BMPR1A: variants seen among roughly 807,000 people sequenced by gnomAD.
BMPR1A encodes the protein bone morphogenetic protein receptor type 1A, also known as bone morphogenetic protein receptor type-1A.
In BMPR1A, 7 loss-of-function variants were observed where a neutral mutation model predicts 66.0. The ratio of observed to expected loss-of-function variants is 0.11; its 90% CI spans 0.06 to 0.20. BMPR1A has a LOEUF of 0.20. BMPR1A is among the 10% of genes least tolerant of loss of function. The pLI is 1.00. For missense variants in BMPR1A, 408 were observed against 669.1 expected (o/e 0.61, Z 4.31); for synonymous variants, 200 against 229.7 (o/e 0.87, Z 1.17).
chr10:86,791,856 G>A (rs969438810), intron 1 of BMPR1A, among the ~76,000 whole-genome samples: 1 of 150,024 alleles, frequency 6.7e-6, no homozygotes, highest in African/African-American at 2.5e-5. Flanking sequence ...CGAGTAGCTG[G>A]GACTACAGAT....
At chr10:86,884,932 A>G (rs921006669) in intron 3 of BMPR1A, among the ~76,000 whole-genome samples, 4 of 152,190 alleles carry the variant, frequency 2.6e-5, no homozygotes, top group Non-Finnish European at 5.9e-5. Flanking sequence ...AAATACATCT[A>G]ACTATAATTT....
At chr10:86,884,660 C>G (rs1477204813) in intron 3 of BMPR1A, among the ~76,000 whole-genome samples, 5 of 151,886 alleles carry the variant, frequency 3.3e-5, no homozygotes, top group African/African-American at 9.7e-5. Context: ...GGCAGTCCAC[C>G]CGCCTCGGCC....
intron 1 of BMPR1A, among the ~76,000 whole-genome samples, chr10:86,775,728 C>G (rs79769253): frequency 0.034 from 5,173 of 150,972 alleles, 282 homozygotes; most frequent in African/African-American, 0.11. Flanking sequence ...CTGCTTTCCT[C>G]CCTACTCTCT....
intron 7 of BMPR1A, among the ~76,000 whole-genome samples, chr10:86,901,016 A>G (rs1843300754): frequency 6.6e-6 from 1 of 152,250 alleles, no homozygotes; most frequent in African/African-American, 2.4e-5. Flanking sequence ...AGTCTACGTT[A>G]TAAACAGCTT....
chr10:86,785,582 G>A (rs768148481), intron 1 of BMPR1A, among the ~76,000 whole-genome samples: 4 of 152,300 alleles, frequency 2.6e-5, no homozygotes, highest in South Asian at 4.2e-4. Flanking sequence ...GATTATAGGC[G>A]TGAGCCACTG....
chr10:86,798,688 C>T (rs558617693), intron 1 of BMPR1A, among the ~76,000 whole-genome samples: 1 of 152,322 alleles, frequency 6.6e-6, no homozygotes, highest in East Asian at 1.9e-4. Context: ...TGTCTTTCTA[C>T]CTTTCCAATT....
rs183890065 is a variant in BMPR1A at position 86,801,813 on chromosome 10, C to T, written c.-267-37052C>T. Among the ~76,000 whole-genome samples the T allele has an allele frequency of 1.9e-3, 283 of 152,074 alleles. 1 individual carries two copies. In the Middle Eastern group the frequency reaches 0.02, roughly 11 times the overall value. ...CTGCAAGCTCTGCCTCCCGGGTTCACGCCATTCTCCTGCCTCAGACTCCCG... is the reference window on the plus strand; with the variant it reads ...CTGCAAGCTCTGCCTCCCGGGTTCATGCCATTCTCCTGCCTCAGACTCCCG... On this transcript the variant is annotated intron_variant, in intron 1 of 12. Coordinates refer to ENST00000372037, the MANE Select transcript of BMPR1A (RefSeq NM_004329.3).
At chr10:86,835,554 A>G (rs1842333752) in intron 1 of BMPR1A, among the ~76,000 whole-genome samples, 1 of 56,956 alleles carries the variant, frequency 1.8e-5, no homozygotes, top group African/African-American at 5.4e-5. Flanking sequence ...TGTATCAAAA[A>G]AAAAAAAAAA....
At chr10:86,912,624 C>T (rs779336678) in intron 8 of BMPR1A, among the ~76,000 whole-genome samples, 5 of 152,146 alleles carry the variant, frequency 3.3e-5, no homozygotes, top group Admixed American at 6.5e-5. Context: ...GAACCAAGTC[C>T]TACAGAGAAA....
At chr10:86,769,491 C>T (rs116840691) in intron 1 of BMPR1A, among the ~76,000 whole-genome samples, 1 of 152,154 alleles carries the variant, frequency 6.6e-6, no homozygotes, top group Non-Finnish European at 1.5e-5. Context: ...ATTAGGACCT[C>T]AAAGTTACAT....
chr10:86,878,582 G>A (rs962811691), intron 3 of BMPR1A, among the ~76,000 whole-genome samples: 14 of 152,196 alleles, frequency 9.2e-5, no homozygotes, highest in Non-Finnish European at 1.5e-4. Flanking sequence ...ATTGAGTAGT[G>A]TCAAGGCTGA....
At chr10:86,797,183 G>A (rs1841729365) in intron 1 of BMPR1A, among the ~76,000 whole-genome samples, 2 of 147,926 alleles carry the variant, frequency 1.4e-5, no homozygotes, top group South Asian at 4.2e-4. Flanking sequence ...TCCTGCCTCA[G>A]CCTCCAGAGC....
At position 86,864,992 on chromosome 10, in the gene BMPR1A, G is replaced by A. The variant is rs547152304; in HGVS notation, c.-152-10875G>A. Among the ~76,000 whole-genome samples the A allele has an allele frequency of 6.7e-4, 102 of 151,922 alleles. 1 individual carries two copies. Among genetic ancestry groups the A allele is most frequent in the Non-Finnish European group, 1.2e-3 (79 of 67,984 alleles). On this transcript the variant is annotated intron_variant, in intron 2 of 12. Coordinates refer to ENST00000372037, the MANE Select transcript of BMPR1A (RefSeq NM_004329.3). Reference sequence around the variant, plus strand: ...ATACCACCCCCCAAAAATTTTCGCCGCCCCAACACTTCAACACTATTTTGT... The same window carrying A: ...ATACCACCCCCCAAAAATTTTCGCCACCCCAACACTTCAACACTATTTTGT...
At position 86,782,339 on chromosome 10, in the gene BMPR1A, A is replaced by G. The variant is rs150585217; in HGVS notation, c.-268+25420A>G. Among the ~76,000 whole-genome samples, 330 of 152,236 alleles carry G rather than the reference A, an allele frequency of 2.2e-3. 2 individuals carry two copies. Among genetic ancestry groups the G allele is most frequent in the Non-Finnish European group, 2.6e-3 (180 of 68,014 alleles). The stretch of plus-strand genomic sequence containing the variant: ...GAGATCCTGTTTTCAATTTTTTTAG[A>G]TATATACTGAGAAGTGGGATTTCTG... On this transcript the variant is annotated intron_variant, in intron 1 of 12. Transcript: ENST00000372037.
chr10:86,930,784 C>G (rs542245024), downstream of BMPR1A: 1 of 152,288 alleles, frequency 6.6e-6, no homozygotes, highest in African/African-American at 2.4e-5. Context: ...GGCTAGTGTG[C>G]AGTGGCTGTT....
intron 1 of BMPR1A, among the ~76,000 whole-genome samples, chr10:86,778,284 GTTTTA>G (rs961643681): frequency 7.9e-4 from 120 of 151,010 alleles, no homozygotes; most frequent in African/African-American, 2.8e-3. Context: ...TCTTGTTGTT[GTTTTA>G]TTTAATTTTT....
intron 1 of BMPR1A, among the ~76,000 whole-genome samples, chr10:86,822,478 G>T (rs1564695387): frequency 6.6e-6 from 1 of 152,096 alleles, no homozygotes; most frequent in Non-Finnish European, 1.5e-5. Flanking sequence ...TCAGGATTTG[G>T]GAAGAAAACG....
chr10:86,892,288 A>AT (rs759961048), intron 5 of BMPR1A, 59 bp downstream of exon 5: 137 of 1,394,348 alleles, frequency 9.8e-5, no homozygotes, highest in Non-Finnish European at 1.3e-4. Flanking sequence ...GAAAGCATCG[A>AT]TTTCCCCCAG....
In BMPR1A at chr10:86,870,252, A is replaced by G. The variant is rs577070957; in HGVS notation, c.-152-5615A>G. Among the ~76,000 whole-genome samples, 21 of 152,268 alleles carry G rather than the reference A, an allele frequency of 1.4e-4. 1 individual carries two copies. In the Middle Eastern group the frequency reaches 0.024, roughly 173 times the overall value. On this transcript the variant is annotated intron_variant, in intron 2 of 12. Coordinates refer to ENST00000372037, the MANE Select transcript of BMPR1A (RefSeq NM_004329.3). ...TTTCAGAACCAAATGCCCGTTAGACATTCCCTTTGGGTAATCTCAGATCTC... is the reference window on the plus strand; with the variant it reads ...TTTCAGAACCAAATGCCCGTTAGACGTTCCCTTTGGGTAATCTCAGATCTC...
Sources: allele counts gnomAD v4.1 joint callset (sites outside exome capture counted in the v4.1 genomes callset), GRCh38; gene constraint gnomAD v4.1.1; transcripts MANE v1.5; gene names NCBI Gene and HGNC (gene_info 2026-07-23, HGNC 2026-07-21).